Variants in TBC1D14 observed in about 807,000 individuals in gnomAD.
TBC1D14 encodes TBC1 domain family, member 14.
A neutral mutation model predicts 79.0 loss-of-function variants in TBC1D14; 26 were observed. The observed-to-expected ratio is 0.33, with a 90% CI of 0.24 to 0.46. The LOEUF (loss-of-function observed/expected upper bound fraction) is 0.46. Among genes scored for constraint, TBC1D14 ranks in the 20% least tolerant of loss-of-function variants. TBC1D14 has a pLI of 1.00. For synonymous variants in TBC1D14, 394 were observed against 349.9 expected, an observed-to-expected ratio of 1.13 and a Z score of -1.40; for missense variants, 769 against 887.6, an observed-to-expected ratio of 0.87 and a Z score of 1.70.
intron 4 of TBC1D14, among the ~76,000 whole-genome samples, chr4:6,994,558 T>G (rs1411997839): frequency 1.3e-5 from 2 of 152,114 alleles, no homozygotes; most frequent in African/African-American, 4.8e-5. Flanking sequence ...CATTTAAAAA[T>G]AAGTTGTCAG....
At chr4:7,023,458 A>G (rs1211276414) in intron 12 of TBC1D14, among the ~76,000 whole-genome samples, 1 of 152,208 alleles carries the variant, frequency 6.6e-6, no homozygotes, top group African/African-American at 2.4e-5. Flanking sequence ...AATTGAGAAT[A>G]TTCTCTAGAC....
At chr4:7,005,032 G>A (rs1025572874) in intron 8 of TBC1D14, 108 bp downstream of exon 8, 22 of 1,008,132 alleles carry the variant, frequency 2.2e-5, no homozygotes, top group Non-Finnish European at 2.7e-5. Flanking sequence ...TTGTTGTGGA[G>A]TCATAAAAAG....
At chr4:6,947,661 C>CA (rs60601291) in intron 2 of TBC1D14, among the ~76,000 whole-genome samples, 55,046 of 117,046 alleles carry the variant, frequency 0.47, 12,409 homozygotes, top group East Asian at 0.67. Flanking sequence ...GATTCCGTCT[C>CA]AAAAAAAAAA....
At chr4:7,014,066 G>A (rs1208084665) in intron 11 of TBC1D14, among the ~76,000 whole-genome samples, 3 of 152,146 alleles carry the variant, frequency 2.0e-5, no homozygotes, top group East Asian at 1.9e-4. Flanking sequence ...ACTTTTACAC[G>A]TTCATATATT....
intron 2 of TBC1D14, among the ~76,000 whole-genome samples, chr4:6,947,735 A>T (rs1036292566): frequency 1.3e-5 from 2 of 152,018 alleles, no homozygotes; most frequent in African/African-American, 4.8e-5. Flanking sequence ...CTGTATTTAA[A>T]TATTAGAGAG....
At chr4:6,968,757 C>T (rs899150286) in intron 3 of TBC1D14, among the ~76,000 whole-genome samples, 2 of 152,076 alleles carry the variant, frequency 1.3e-5, no homozygotes, top group Non-Finnish European at 2.9e-5. Flanking sequence ...GGTAGCCTGC[C>T]TCCAACCCCA....
At chr4:6,996,181 T>C in intron 4 of TBC1D14, 144 bp from the exon 5 acceptor site, 1 of 646,074 alleles carries the variant, frequency 1.5e-6, no homozygotes, top group East Asian at 3.0e-5. Context: ...ATTATAAAAG[T>C]TTGTGAAAGA....
chr4:6,938,947 T>G (rs1258959368), intron 2 of TBC1D14, among the ~76,000 whole-genome samples: 5 of 151,978 alleles, frequency 3.3e-5, no homozygotes. Context: ...TGTGCAGTAG[T>G]GCAGCAGCGG....
At chr4:6,977,269 C>T (rs533300896) in intron 3 of TBC1D14, among the ~76,000 whole-genome samples, 14,677 of 147,914 alleles carry the variant, frequency 0.099, 1,214 homozygotes, top group African/African-American at 0.22. Flanking sequence ...TGCAGGTGCG[C>T]GCCGCCACGC....
At chr4:7,023,908 C>T (rs1197839493) in intron 12 of TBC1D14, among the ~76,000 whole-genome samples, 1 of 152,224 alleles carries the variant, frequency 6.6e-6, no homozygotes, top group African/African-American at 2.4e-5. Context: ...TCTCCGTTCC[C>T]TCCTCTGAGT....
At chr4:7,001,317 C>A in intron 7 of TBC1D14, 66 bp downstream of exon 7, 1 of 1,369,314 alleles carries the variant, frequency 7.3e-7, no homozygotes, top group Non-Finnish European at 1.0e-6. Context: ...CTCCCTTTTG[C>A]CCTGTTGGAA....
Position 6,960,791 on chromosome 4 carries a change from C to T in TBC1D14, c.723-6513C>T, listed in dbSNP as rs116076079. On this transcript the variant is annotated intron_variant, in intron 2 of 13. Transcript: ENST00000409757. ...CTCCAGGCGGTTTGCTGTTTTCAGC[C>T]CCCGCTGCGTCTCTTCAGATGTTGC... Among the ~76,000 whole-genome samples the T allele has an allele frequency of 1.8e-3, 270 of 152,294 alleles. 1 individual carries two copies. The highest frequency in any genetic ancestry group is 6.3e-3 in the African/African-American group (260 of 41,564).
intron 7 of TBC1D14, chr4:7,001,613 G>C: frequency 4.8e-6 from 1 of 209,742 alleles, no homozygotes; most frequent in Non-Finnish European, 9.7e-6. Flanking sequence ...TATTGTACTG[G>C]GGTGTCTGTT....
chr4:7,007,106 G>A (rs1447236165), intron 9 of TBC1D14, among the ~76,000 whole-genome samples: 2 of 152,210 alleles, frequency 1.3e-5, no homozygotes, highest in Non-Finnish European at 2.9e-5. Flanking sequence ...ATGTTGGTGT[G>A]ATGGGCTTCG....
intron 3 of TBC1D14, among the ~76,000 whole-genome samples, chr4:6,984,429 A>G (rs557979148): frequency 2.0e-5 from 3 of 152,322 alleles, no homozygotes; most frequent in African/African-American, 7.2e-5. Context: ...AAAGCCAGCA[A>G]CAGACCCAAA....
At chr4:6,990,686 G>A (rs1235576596) in intron 3 of TBC1D14, among the ~76,000 whole-genome samples, 1 of 152,168 alleles carries the variant, frequency 6.6e-6, no homozygotes, top group Non-Finnish European at 1.5e-5. Context: ...AAAGGGCTTG[G>A]CACTTGAGGG....
At chr4:6,953,598 C>G (rs1174245825) in intron 2 of TBC1D14, among the ~76,000 whole-genome samples, 2 of 128,274 alleles carry the variant, frequency 1.6e-5, no homozygotes, top group Non-Finnish European at 3.2e-5. Context: ...CGCCACTGCA[C>G]TCCAGCCTGG....
At chr4:6,945,653 G>A (rs1713365469) in intron 2 of TBC1D14, among the ~76,000 whole-genome samples, 1 of 151,582 alleles carries the variant, frequency 6.6e-6, no homozygotes, top group Admixed American at 6.6e-5. Flanking sequence ...GGAGGCTGAG[G>A]CAGGAGAATC....
intron 7 of TBC1D14, among the ~76,000 whole-genome samples, chr4:7,003,944 TAC>T (rs1387250600): frequency 6.6e-6 from 1 of 151,998 alleles, no homozygotes; most frequent in African/African-American, 2.4e-5. Flanking sequence ...AGGCAGAGGT[TAC>T]AGTCAGCCAA....
Sources: gnomAD v4.1 joint callset for allele counts (sites outside exome capture counted in the v4.1 genomes callset) on GRCh38, gnomAD v4.1.1 for gene constraint, MANE v1.5 for transcripts, NCBI Gene and HGNC (gene_info 2026-07-23, HGNC 2026-07-21) for gene names.